The following TGM3 variants were observed in gnomAD, a reference collection of about 807,000 sequenced individuals.
TGM3 encodes protein-glutamine gamma-glutamyltransferase E.
In TGM3, 52 loss-of-function variants were observed where a neutral mutation model predicts 73.8. The ratio of observed to expected loss-of-function variants is 0.70; its 90% CI spans 0.56 to 0.89. The LOEUF (loss-of-function observed/expected upper bound fraction) is 0.89. Ranked by LOEUF, TGM3 falls within the 40% of genes least tolerant of loss-of-function variation. The pLI is 0.00. For missense variants in TGM3, 928 were observed against 909.9 expected, an observed-to-expected ratio of 1.02 and a Z score of -0.26; for synonymous variants, 372 against 354.9, an observed-to-expected ratio of 1.05 and a Z score of -0.54.
In TGM3 at chr20:2,325,900, C is replaced by G. The variant is rs111244888; in HGVS notation, c.1035C>G (p.Pro345=). The G allele has an allele frequency of 3.1e-4, 495 of 1,591,464 alleles. 1 individual carries two copies. The African/African-American group carries it at 5.5e-3, about 18-fold the overall frequency. ...GGTTTGTGAGGTCTGACCTGGGCCC[C>G]TCGTACGGTGGATGGCAGGTGTTGG... ...EGWFVRSDLG[P]SYGGWQVLDA... The change falls in exon 8 of 13, where the codon CCC becomes CCG. Residue 345 remains proline, a synonymous_variant. Transcript: ENST00000381458.
Position 2,313,031 on chromosome 20 carries a change from G to T in TGM3, c.669+5G>T. ...GGCCGGGTGCTGAGTGCCATGGTGA[G>T]TAACAGGAAAACGATCACAGCTAGT... On this transcript the variant is annotated splice_donor_5th_base_variant and intron_variant, in intron 5 of 12. Coordinates refer to ENST00000381458, the MANE Select transcript of TGM3 (RefSeq NM_003245.4). The T allele has an allele frequency of 6.2e-7, 1 of 1,614,086 alleles. No individual in the cohort carries two copies. Among genetic ancestry groups the T allele is most frequent in the Non-Finnish European group, 8.5e-7 (1 of 1,180,012 alleles).
intron 11 of TGM3, among the ~76,000 whole-genome samples, chr20:2,339,479 A>T (rs537117634): frequency 1.3e-5 from 2 of 152,214 alleles, no homozygotes; most frequent in African/African-American, 4.8e-5. Context: ...CTTGCAAAAA[A>T]TAAATTCAGC....
intron 4 of TGM3, among the ~76,000 whole-genome samples, 183 bp downstream of exon 4, chr20:2,311,312 G>A: frequency 6.6e-6 from 1 of 152,278 alleles, no homozygotes; most frequent in East Asian, 1.9e-4. Context: ...CCACACTAAG[G>A]ATAAAGGAGA....
chr20:2,323,316 G>T (rs2084271093), intron 7 of TGM3, among the ~76,000 whole-genome samples: 1 of 152,124 alleles, frequency 6.6e-6, no homozygotes, highest in Admixed American at 6.6e-5. Flanking sequence ...CACAATGTTT[G>T]GTCATACTGA....
chr20:2,304,837 A>G (rs2084169163), intron 1 of TGM3, among the ~76,000 whole-genome samples: 1 of 152,150 alleles, frequency 6.6e-6, no homozygotes, highest in Admixed American at 6.5e-5. Context: ...CCCACTTCAG[A>G]TGCCAGTGCT....
chr20:2,317,600 A>G (rs1181387755), intron 7 of TGM3, 115 bp downstream of exon 7: 1 of 1,419,000 alleles, frequency 7.0e-7, no homozygotes, highest in East Asian at 2.3e-5. Flanking sequence ...GTAACATGTC[A>G]TCACAGGGTG....
At position 2,332,548 on chromosome 20, in the gene TGM3, A is replaced by C. The variant is rs1206508909; in HGVS notation, c.1642+238A>C. ...CCTTTTACGCCCCAAGGGAGGAAGG[A>C]GGGAGGCTTTGGCAGTTCATAGCTA... On this transcript the variant is annotated intron_variant, in intron 10 of 12. Transcript: ENST00000381458. The surrounding 1 kb of genome is among the most constrained non-coding windows in gnomAD (Gnocchi z 4.4). Among the ~76,000 whole-genome samples the C allele has an allele frequency of 6.6e-6, 1 of 152,188 alleles. No individual in the cohort carries two copies. The highest frequency in any genetic ancestry group is 1.9e-4 in the East Asian group (1 of 5,190).
rs538809018 is a variant in TGM3, at chr20:2,334,909, T to C, written c.1643-207T>C. On this transcript the variant is annotated intron_variant, in intron 10 of 12. Transcript: ENST00000381458. The surrounding 1 kb of genome is among the most constrained non-coding windows in gnomAD (Gnocchi z 4.0). ...TGGGAATCTGCCCAGCCAGAGAGAG[T>C]CCTGGGGCCTCTTTGCCCCCTGCTC... 4.3e-4 allele frequency among the ~76,000 whole-genome samples: 65 copies of C among 151,908 alleles called. No individual in the cohort carries two copies. Among genetic ancestry groups the C allele is most frequent in the Middle Eastern group, 3.4e-3 (1 of 294 alleles).
intron 11 of TGM3, among the ~76,000 whole-genome samples, chr20:2,336,770 T>C (rs889416018): frequency 6.6e-6 from 1 of 151,868 alleles, no homozygotes; most frequent in Non-Finnish European, 1.5e-5. Context: ...TGTAACCAAA[T>C]GGATCTGGCA....
At chr20:2,303,906 C>T (rs2084164663) in intron 1 of TGM3, among the ~76,000 whole-genome samples, 1 of 152,200 alleles carries the variant, frequency 6.6e-6, no homozygotes, top group Admixed American at 6.5e-5. Context: ...CAAACCACCT[C>T]TCTGGCCTCC....
intron 1 of TGM3, among the ~76,000 whole-genome samples, chr20:2,306,474 T>TTC (rs1428004085): frequency 7.1e-6 from 1 of 141,062 alleles, no homozygotes; most frequent in Non-Finnish European, 1.5e-5. Flanking sequence ...TTTCCTTTCT[T>TTC]TTTTTTTTTT....
chr20:2,303,645 T>C (rs1284332228), intron 1 of TGM3, among the ~76,000 whole-genome samples: 2 of 152,192 alleles, frequency 1.3e-5, no homozygotes, highest in Non-Finnish European at 2.9e-5. Context: ...ATTTACCCCA[T>C]GGCCACCGAG....
At chr20:2,305,425 G>A (rs1342354741) in intron 1 of TGM3, among the ~76,000 whole-genome samples, 1 of 152,218 alleles carries the variant, frequency 6.6e-6, no homozygotes, top group East Asian at 1.9e-4. Context: ...TTCTCATTAT[G>A]CCACACCTGG....
rs866615963 is a variant in TGM3 at position 2,317,350 on chromosome 20, C to T, written c.848C>T (p.Ala283Val). 8.7e-6 allele frequency: 14 copies of T among 1,614,088 alleles called. No homozygotes were observed. The highest frequency in any genetic ancestry group is 1.6e-4 in the Middle Eastern group (1 of 6,084). Residue 283 changes from alanine to valine, a missense_variant and splice_region_variant, in exon 7 of 13, where the codon GCG becomes GTG. Transcript: ENST00000381458. ...TCCTCACGCCCACCCTGACTTGCAG[C>T]GCTGCGGTCTTTGGGGATTCCTTCC... ...CWVFAGTLNT[A>V]LRSLGIPSRV...
chr20:2,308,680 T>A (rs969354475), intron 1 of TGM3, among the ~76,000 whole-genome samples: 1 of 151,982 alleles, frequency 6.6e-6, no homozygotes, highest in Non-Finnish European at 1.5e-5. Context: ...CTGCTCAGAG[T>A]CTCCGCCAGC....
intron 11 of TGM3, among the ~76,000 whole-genome samples, chr20:2,336,134 C>T (rs1336033832): frequency 5.3e-5 from 8 of 152,210 alleles, no homozygotes; most frequent in East Asian, 1.9e-4. Context: ...GGAGGCCCCT[C>T]GTGCCACTCT....
At chr20:2,314,884 G>C (rs1228078787) in intron 5 of TGM3, among the ~76,000 whole-genome samples, 2 of 152,148 alleles carry the variant, frequency 1.3e-5, no homozygotes, top group Non-Finnish European at 2.9e-5. Context: ...ATGCTAATGA[G>C]CTAGTTACTT....
chr20:2,319,555 C>G (rs1220284461), intron 7 of TGM3, among the ~76,000 whole-genome samples: 1 of 152,150 alleles, frequency 6.6e-6, no homozygotes, highest in Non-Finnish European at 1.5e-5. Context: ...TTCACACTGC[C>G]CCCCACATCA....
At chr20:2,329,194 C>T (rs1568631526) in intron 9 of TGM3, among the ~76,000 whole-genome samples, 1 of 152,202 alleles carries the variant, frequency 6.6e-6, no homozygotes, top group Non-Finnish European at 1.5e-5. Context: ...TTGATCTTCA[C>T]AGTTGGTTCT....
Sources: allele counts gnomAD v4.1 joint callset (sites outside exome capture counted in the v4.1 genomes callset), GRCh38; gene constraint gnomAD v4.1.1; non-coding constraint Gnocchi (gnomAD v3.1); transcripts MANE v1.5; gene names NCBI Gene and HGNC (gene_info 2026-07-23, HGNC 2026-07-21).